VMP1: variants seen among roughly 807,000 people sequenced by gnomAD.
VMP1 encodes the protein ectopic P-granules autophagy protein 3 homolog.
Under a neutral mutation model 56.0 loss-of-function variants are expected in VMP1, and 11 were observed. That is an observed-to-expected ratio of 0.20 (90% CI 0.12 to 0.32). The LOEUF is 0.32. VMP1 is among the 10% of genes least tolerant of loss of function. The pLI, the probability that VMP1 is intolerant of heterozygous loss-of-function variation, is 1.00. For synonymous variants in VMP1, 149 were observed against 165.0 expected, an observed-to-expected ratio of 0.90 and a Z score of 0.74; for missense variants, 296 against 490.3, an observed-to-expected ratio of 0.60 and a Z score of 3.74.
chr17:59,818,789 G>C (rs2038338024), intron 10 of VMP1, among the ~76,000 whole-genome samples: 1 of 152,150 alleles, frequency 6.6e-6, no homozygotes, highest in Non-Finnish European at 1.5e-5. Context: ...AAGTTGTTAG[G>C]TTTTTAAATC....
chr17:59,816,991 G>C (rs1210459441), intron 9 of VMP1, among the ~76,000 whole-genome samples: 1 of 148,120 alleles, frequency 6.8e-6, no homozygotes, highest in Non-Finnish European at 1.5e-5. Context: ...AAAAAGGGCC[G>C]GGCGCAATGG....
intron 5 of VMP1, among the ~76,000 whole-genome samples, chr17:59,749,148 G>A (rs1233318937): frequency 6.7e-6 from 1 of 149,874 alleles, no homozygotes; most frequent in Non-Finnish European, 1.5e-5. Context: ...TATTAGAGAC[G>A]GGGTTTCACT....
chr17:59,710,351 G>T (rs1432181434), intron 1 of VMP1, among the ~76,000 whole-genome samples: 3 of 152,144 alleles, frequency 2.0e-5, no homozygotes. Context: ...AGGTCATCTG[G>T]CTTAGGTAGT....
intron 11 of VMP1, 25 bp from the exon 12 acceptor site, chr17:59,839,743 C>A: frequency 6.3e-7 from 1 of 1,592,336 alleles, no homozygotes; most frequent in Non-Finnish European, 8.5e-7. Flanking sequence ...TTTTTCATTG[C>A]ATTGTTCTGC....
intron 5 of VMP1, among the ~76,000 whole-genome samples, chr17:59,749,656 A>T (rs914379430): frequency 6.6e-6 from 1 of 151,956 alleles, no homozygotes; most frequent in African/African-American, 2.4e-5. Context: ...GATTACAGGC[A>T]TGCACCACCA....
chr17:59,768,176 GATT>G (rs1274472005), intron 6 of VMP1, among the ~76,000 whole-genome samples: 2 of 152,110 alleles, frequency 1.3e-5, no homozygotes, highest in Non-Finnish European at 2.9e-5. Context: ...AATAAATACT[GATT>G]AATAGGTCAA....
intron 5 of VMP1, among the ~76,000 whole-genome samples, chr17:59,750,068 T>C (rs534054473): frequency 8.5e-5 from 13 of 152,334 alleles, no homozygotes; most frequent in African/African-American, 3.1e-4. Context: ...ACTTCTTTTA[T>C]TGGCAAAACA....
chr17:59,762,903 G>A (rs144801541), intron 5 of VMP1, among the ~76,000 whole-genome samples: 1 of 151,908 alleles, frequency 6.6e-6, no homozygotes, highest in Non-Finnish European at 1.5e-5. Flanking sequence ...TATATTTCTG[G>A]AATGCAAATA....
chr17:59,832,182 CT>C lies in VMP1; in HGVS notation c.975-6089del, dbSNP rs766864144. On this transcript the variant is annotated intron_variant, in intron 10 of 11. Coordinates refer to ENST00000262291, the MANE Select transcript of VMP1 (RefSeq NM_030938.5). ...AGCAAGGAAAAGCAAATGAGATCAA[CT>C]TTTTTTTTTTTTTTTTTTTTTTTGT... Among the ~76,000 whole-genome samples the C allele has an allele frequency of 7.0e-3, 717 of 102,750 alleles. 4 individuals carry two copies. The highest frequency in any genetic ancestry group is 0.023 in the African/African-American group (566 of 24,590). 67.4% of individuals were successfully genotyped at this position (102,750 alleles called of 152,430 possible).
At chr17:59,829,621 TTAACTC>T (rs1213778297) in intron 10 of VMP1, among the ~76,000 whole-genome samples, 5 of 152,288 alleles carry the variant, frequency 3.3e-5, no homozygotes, top group East Asian at 3.9e-4. Flanking sequence ...GAAGGAAAAT[TTAACTC>T]TATAATGTTT....
intron 7 of VMP1, among the ~76,000 whole-genome samples, chr17:59,775,829 A>G (rs922495903): frequency 6.6e-6 from 1 of 152,194 alleles, no homozygotes; most frequent in Non-Finnish European, 1.5e-5. Context: ...ACCTAATCAC[A>G]ATCTGTGTAT....
Position 59,811,650 on chromosome 17 carries a change from C to T in VMP1, c.796-20C>T. 1 of 1,530,894 alleles carries T rather than the reference C, an allele frequency of 6.5e-7. No homozygotes were observed. The highest frequency in any genetic ancestry group is 2.3e-5 in the East Asian group (1 of 44,384). The allele number at this position is 1,530,894 out of a possible 1,614,324, so 94.8% of individuals were successfully genotyped here. On this transcript the variant is annotated intron_variant, in intron 8 of 11. Coordinates refer to ENST00000262291, the MANE Select transcript of VMP1 (RefSeq NM_030938.5). ...GTTCTTTGGATTATAATATGGAAGT[C>T]CTTCTTTTTCTCTCTATAGATTCCA... is the stretch of plus-strand genomic sequence containing the variant.
intron 1 of VMP1, among the ~76,000 whole-genome samples, chr17:59,711,663 C>T (rs973397726): frequency 6.6e-6 from 1 of 152,062 alleles, no homozygotes; most frequent in Non-Finnish European, 1.5e-5. Context: ...AAAATATGCT[C>T]CTTGATTTGC....
chr17:59,832,112 C>T lies in VMP1; in HGVS notation c.975-6183C>T, dbSNP rs890436662. 2.7e-5 allele frequency among the ~76,000 whole-genome samples: 4 copies of T among 150,522 alleles called. No individual in the cohort carries two copies. In the East Asian group the frequency reaches 5.8e-4, roughly 22 times the overall value. Reference sequence around the variant, plus strand: ...TGCCAGGAATAAAAATATGAAGATACTACTACCCACTAAGATTTTTCTACC... The same window carrying T: ...TGCCAGGAATAAAAATATGAAGATATTACTACCCACTAAGATTTTTCTACC... On this transcript the variant is annotated intron_variant, in intron 10 of 11. Coordinates refer to ENST00000262291, the MANE Select transcript of VMP1 (RefSeq NM_030938.5).
chr17:59,727,722 ATT>A (rs2034663595), intron 1 of VMP1, among the ~76,000 whole-genome samples: 1 of 152,172 alleles, frequency 6.6e-6, no homozygotes, highest in Non-Finnish European at 1.5e-5. Flanking sequence ...TAGTTTAGGC[ATT>A]TTGTACGTTT....
At position 59,817,282 on chromosome 17, in the gene VMP1, CAAA is replaced by C. The variant is rs1209080230; in HGVS notation, c.913-410_913-408del. Among the ~76,000 whole-genome samples, 113 of 60,364 alleles carry C rather than the reference CAAA, an allele frequency of 1.9e-3. 1 individual carries two copies. The highest frequency in any genetic ancestry group is 3.1e-3 in the Non-Finnish European group (97 of 31,700). 39.6% of individuals were successfully genotyped at this position (60,364 alleles called of 152,430 possible). ...GGGCAATAAGAGTGAAACTCTGTCT[CAAA>C]AAAAAAAAAAAAAAAAAAAGGAATA... On this transcript the variant is annotated intron_variant, in intron 9 of 11. Transcript: ENST00000262291.
chr17:59,707,812 T>C (rs1453371674), intron 1 of VMP1, 64 bp downstream of exon 1: 3 of 152,306 alleles, frequency 2.0e-5, no homozygotes, highest in African/African-American at 4.8e-5. Flanking sequence ...GCTTGGCGTC[T>C]TCCGGAGCTC....
intron 1 of VMP1, among the ~76,000 whole-genome samples, chr17:59,712,904 G>A (rs1279149205): frequency 6.6e-6 from 1 of 152,092 alleles, no homozygotes; most frequent in Non-Finnish European, 1.5e-5. Flanking sequence ...GAAGTTGAGA[G>A]TCCACTGCAT....
rs546506474 is a variant in VMP1, at chr17:59,821,928, C to T, written c.974+4155C>T. On this transcript the variant is annotated intron_variant, in intron 10 of 11. Transcript: ENST00000262291. The stretch of plus-strand genomic sequence containing the variant: ...CACAATCTTGGCTCACTGCAACCTC[C>T]GCCTCCTGGATTCAAGTGATTTTCC... Among the ~76,000 whole-genome samples, 40 of 151,938 alleles carry T rather than the reference C, an allele frequency of 2.6e-4. 1 individual carries two copies. The East Asian group carries it at 7.6e-3, about 29-fold the overall frequency.
Sources: allele counts gnomAD v4.1 joint callset (sites outside exome capture counted in the v4.1 genomes callset), GRCh38; gene constraint gnomAD v4.1.1; transcripts MANE v1.5; gene names NCBI Gene and HGNC (gene_info 2026-07-23, HGNC 2026-07-21).